PCDH15: variants seen among roughly 807,000 people sequenced by gnomAD.
The protein encoded by PCDH15 is protocadherin related 15.
In PCDH15, 129 loss-of-function variants were observed where a neutral mutation model predicts 178.5. The ratio of observed to expected loss-of-function variants is 0.72; its 90% CI spans 0.63 to 0.84. The LOEUF is 0.84. Among genes scored for constraint, PCDH15 ranks in the 40% least tolerant of loss-of-function variants. PCDH15 has a pLI of 0.00. For missense variants in PCDH15, 2,230 were observed against 2,099.9 expected (o/e 1.06, Z -1.21); for synonymous variants, 800 against 732.0 (o/e 1.09, Z -1.50).
At chr10:54,034,665 A>C (rs1239672269) in intron 18 of PCDH15, among the ~76,000 whole-genome samples, 2 of 151,894 alleles carry the variant, frequency 1.3e-5, no homozygotes, top group Admixed American at 6.6e-5. Flanking sequence ...CTGCCTTTTG[A>C]ATTAGAAGTT....
chr10:54,796,635 C>T (rs76537274), intron 1 of PCDH15, among the ~76,000 whole-genome samples: 5,970 of 151,442 alleles, frequency 0.039, 346 homozygotes, highest in African/African-American at 0.13. Flanking sequence ...CTTTCTGTTC[C>T]CTTTCTCTTT....
At chr10:55,569,120 T>C (rs1842359008) in intron 2 of PCDH15, among the ~76,000 whole-genome samples, 1 of 152,090 alleles carries the variant, frequency 6.6e-6, no homozygotes, top group South Asian at 2.1e-4. Flanking sequence ...TACTCCCATG[T>C]AATATGTTTA....
intron 1 of PCDH15, among the ~76,000 whole-genome samples, chr10:55,269,201 A>C (rs1185772911): frequency 6.6e-6 from 1 of 152,068 alleles, no homozygotes; most frequent in Non-Finnish European, 1.5e-5. Flanking sequence ...AGCTGGAAAC[A>C]TTACCTTTGA....
intron 1 of PCDH15, among the ~76,000 whole-genome samples, chr10:55,171,022 T>C (rs948586156): frequency 4.6e-5 from 7 of 152,236 alleles, no homozygotes; most frequent in Non-Finnish European, 8.8e-5. Flanking sequence ...TCCTTTCTCA[T>C]TTCTCCATCT....
chr10:54,627,881 C>T (rs1287015057), intron 2 of PCDH15, among the ~76,000 whole-genome samples: 2 of 152,168 alleles, frequency 1.3e-5, no homozygotes, highest in East Asian at 1.9e-4. Flanking sequence ...AATAAAAATG[C>T]TCGGAGGAGC....
At chr10:54,454,810 A>T (rs1331764710) in intron 3 of PCDH15, among the ~76,000 whole-genome samples, 1 of 152,126 alleles carries the variant, frequency 6.6e-6, no homozygotes, top group Non-Finnish European at 1.5e-5. Flanking sequence ...TCTAGGTTAC[A>T]TCTGATTAGC....
chr10:54,741,445 A>G (rs569384320), intron 1 of PCDH15, among the ~76,000 whole-genome samples: 3 of 152,142 alleles, frequency 2.0e-5, no homozygotes, highest in African/African-American at 7.2e-5. Flanking sequence ...GAAGGCTTAC[A>G]TATTAGTGAA....
At chr10:54,183,236 G>T (rs1284463332) in intron 13 of PCDH15, among the ~76,000 whole-genome samples, 4 of 152,206 alleles carry the variant, frequency 2.6e-5, no homozygotes, top group Admixed American at 2.0e-4. Flanking sequence ...TTCCCAAAGT[G>T]CTGGGATTAC....
intron 16 of PCDH15, among the ~76,000 whole-genome samples, chr10:54,087,928 C>T (rs964228201): frequency 2.6e-5 from 4 of 152,118 alleles, no homozygotes; most frequent in African/African-American, 9.7e-5. Flanking sequence ...CTTCCCCTCC[C>T]TCTCTCTTCC....
At position 54,462,512 on chromosome 10, in the gene PCDH15, C is replaced by CTTTTTTTTTTTTT. The variant is rs562731025; in HGVS notation, c.157+65287_157+65299dup. Among the ~76,000 whole-genome samples, 28 of 66,882 alleles carry CTTTTTTTTTTTTT rather than the reference C, an allele frequency of 4.2e-4. 2 individuals are homozygous for CTTTTTTTTTTTTT. The highest frequency in any genetic ancestry group is 1.8e-3 in the African/African-American group (24 of 13,558). The allele number at this position is 66,882 out of a possible 152,430, so 43.9% of individuals were successfully genotyped here. ...TTTCTTTTCTTTTTCTTTTTCTTTT[C>CTTTTTTTTTTTTT]TTTTTTTTTTTTTTTTTTTTGAGAT... is the stretch of plus-strand genomic sequence containing the variant. On this transcript the variant is annotated intron_variant, in intron 3 of 37. Transcript: ENST00000644397.
At chr10:55,086,703 C>T (rs1488198322) in intron 2 of PCDH15, among the ~76,000 whole-genome samples, 3 of 151,788 alleles carry the variant, frequency 2.0e-5, no homozygotes, top group African/African-American at 7.3e-5. Context: ...GAAGACTTTC[C>T]CAAAATGACA....
intron 1 of PCDH15, among the ~76,000 whole-genome samples, chr10:54,753,408 T>C (rs545970695): frequency 6.6e-6 from 1 of 152,164 alleles, no homozygotes; most frequent in South Asian, 2.1e-4. Flanking sequence ...GGTCTCGAAC[T>C]CCTGACCTCA....
intron 3 of PCDH15, among the ~76,000 whole-genome samples, chr10:54,837,777 C>T (rs1032066423): frequency 6.6e-5 from 10 of 152,056 alleles, no homozygotes; most frequent in Non-Finnish European, 1.2e-4. Context: ...AATCGAGATA[C>T]AAGGCTGCAA....
intron 1 of PCDH15, among the ~76,000 whole-genome samples, chr10:55,262,115 AAAAAG>A (rs797012290): frequency 1.4e-5 from 2 of 147,158 alleles, no homozygotes; most frequent in African/African-American, 5.0e-5. Flanking sequence ...AAGAGAAATA[AAAAAG>A]AAAAGAAAAG....
intron 1 of PCDH15, among the ~76,000 whole-genome samples, chr10:55,271,706 A>G (rs770027074): frequency 1.3e-4 from 19 of 151,934 alleles, no homozygotes; most frequent in Non-Finnish European, 2.2e-4. Flanking sequence ...ACCTTTCCCA[A>G]ACACTGTGGT....
At chr10:54,963,686 A>G (rs1396874421) in intron 2 of PCDH15, among the ~76,000 whole-genome samples, 2 of 152,234 alleles carry the variant, frequency 1.3e-5, no homozygotes, top group Non-Finnish European at 2.9e-5. Context: ...TTATTTTGCT[A>G]GAACTCCCCT....
chr10:53,835,529 C>CAA (rs11438772), intron 29 of PCDH15, among the ~76,000 whole-genome samples: 23 of 151,032 alleles, frequency 1.5e-4, no homozygotes, highest in South Asian at 4.2e-4. Flanking sequence ...ACAATGTGAG[C>CAA]AAAAAAAACC....
At chr10:55,382,125 C>CA (rs922914664) in intron 2 of PCDH15, among the ~76,000 whole-genome samples, 37 of 152,120 alleles carry the variant, frequency 2.4e-4, no homozygotes, top group Admixed American at 9.2e-4. Context: ...ACTGGATATA[C>CA]AAAAAATTCC....
At chr10:53,878,418 C>T (rs1436948261) in intron 26 of PCDH15, among the ~76,000 whole-genome samples, 10 of 98,106 alleles carry the variant, frequency 1.0e-4, no homozygotes, top group Admixed American at 1.4e-4. Flanking sequence ...CGTACACACA[C>T]GTTGAATATA....
Sources: gnomAD v4.1 joint callset for allele counts (sites outside exome capture counted in the v4.1 genomes callset) on GRCh38, gnomAD v4.1.1 for gene constraint, MANE v1.5 for transcripts, NCBI Gene and HGNC (gene_info 2026-07-23, HGNC 2026-07-21) for gene names.